Variants in C4orf51 observed in about 807,000 individuals in gnomAD.
C4orf51 encodes chromosome 4 open reading frame 51, also known as uncharacterized protein C4orf51.
A neutral mutation model predicts 25.2 loss-of-function variants in C4orf51; 25 were observed. The observed-to-expected ratio is 0.99, with a 90% CI of 0.72 to 1.39. The LOEUF (loss-of-function observed/expected upper bound fraction) is 1.39, where lower values mean the gene tolerates loss of function less well. Ranked by LOEUF, C4orf51 falls within the 40% of genes most tolerant of loss-of-function variation. C4orf51 has a pLI of 0.00. For missense variants in C4orf51, 252 were observed against 239.6 expected, an observed-to-expected ratio of 1.05 and a Z score of -0.34; for synonymous variants, 100 against 84.5, an observed-to-expected ratio of 1.18 and a Z score of -1.01.
chr4:145,696,508 A>T, intron 1 of C4orf51, 51 bp from the exon 2 acceptor site: 2 of 1,438,020 alleles, frequency 1.4e-6, no homozygotes, highest in Non-Finnish European at 2.0e-6. Context: ...GCTTCATGTG[A>T]TTTATAAATC....
intron 1 of C4orf51, among the ~76,000 whole-genome samples, chr4:145,689,011 T>A (rs7673327): frequency 0.19 from 28,252 of 152,026 alleles, 3,259 homozygotes; most frequent in African/African-American, 0.32. Context: ...CAAAGACCAG[T>A]GGAGCAGAAT....
At chr4:145,691,401 T>C (rs1729552283) in intron 1 of C4orf51, among the ~76,000 whole-genome samples, 1 of 152,208 alleles carries the variant, frequency 6.6e-6, no homozygotes, top group African/African-American at 2.4e-5. Context: ...CTCAAAGAAC[T>C]AAATATAGAA....
chr4:145,685,414 C>T (rs980916104), intron 1 of C4orf51, among the ~76,000 whole-genome samples: 4 of 152,138 alleles, frequency 2.6e-5, no homozygotes, highest in African/African-American at 7.2e-5. Flanking sequence ...GTTTATTCGG[C>T]TAGGGGCATC....
At chr4:145,791,421 G>A in the C4orf51 span, among the ~76,000 whole-genome samples, 3 of 152,170 alleles carry the variant, frequency 2.0e-5, no homozygotes, top group Non-Finnish European at 4.4e-5. Flanking sequence ...ATTGAAATGG[G>A]GGGACATAAA....
intron 2 of C4orf51, among the ~76,000 whole-genome samples, chr4:145,717,383 G>T (rs1191139147): frequency 1.3e-5 from 2 of 152,156 alleles, no homozygotes; most frequent in Admixed American, 6.6e-5. Context: ...CTTTGCAAGT[G>T]GTCATTTTCA....
intron 2 of C4orf51, among the ~76,000 whole-genome samples, chr4:145,701,023 C>A (rs1043921407): frequency 6.6e-6 from 1 of 152,098 alleles, no homozygotes; most frequent in Admixed American, 6.6e-5. Flanking sequence ...GGCTCTTTTT[C>A]ATCAGATATA....
chr4:145,765,398 A>G lies in C4orf51; in HGVS notation n.167-5590A>G, dbSNP rs1159864384. On this transcript the variant is annotated intron_variant and non_coding_transcript_variant, in intron 1 of 1. Coordinates refer to the C4orf51 transcript ENST00000510096. The surrounding 1 kb of genome is among the most constrained non-coding windows in gnomAD (Gnocchi z 4.7). ...CATACTCGGATTCAAATTAAGCCAA[A>G]AGAAATACAACCTTTAGGTGAGGCC... 2 of 1,101,706 alleles carry G rather than the reference A, an allele frequency of 1.8e-6. No homozygotes were observed. Among genetic ancestry groups the G allele is most frequent in the Non-Finnish European group, 2.5e-6 (2 of 789,470 alleles). 68.2% of individuals were successfully genotyped at this position (1,101,706 alleles called of 1,614,324 possible). A position where few individuals can be genotyped will look rare whatever the true frequency, so the allele number is the denominator to read the frequency against.
the C4orf51 span, among the ~76,000 whole-genome samples, chr4:145,786,947 A>C: frequency 6.6e-6 from 1 of 152,186 alleles, no homozygotes; most frequent in Non-Finnish European, 1.5e-5. Context: ...GATGGCTGGC[A>C]CTGGTGACCT....
chr4:145,763,156 T>C lies in C4orf51; in HGVS notation n.167-7832T>C, dbSNP rs1349897161. On this transcript the variant is annotated intron_variant and non_coding_transcript_variant, in intron 1 of 1. Coordinates refer to the C4orf51 transcript ENST00000510096. This position sits in a 1 kb window ranked among gnomAD's most constrained non-coding sequence, Gnocchi z 4.6. ...AAAGAAAAATAATAGTATAATCTTA[T>C]TTGATCTGCATTATGAACAGGATAT... 1.2e-5 allele frequency: 19 copies of C among 1,535,134 alleles called. No individual in the cohort carries two copies. Among genetic ancestry groups the C allele is most frequent in the Non-Finnish European group, 1.7e-5 (19 of 1,146,218 alleles).
chr4:145,790,311 T>C, the C4orf51 span, among the ~76,000 whole-genome samples: 1 of 152,198 alleles, frequency 6.6e-6, no homozygotes, highest in East Asian at 1.9e-4. Flanking sequence ...TATATATTAA[T>C]ACTTACTGAA....
At chr4:145,769,819 A>G (rs1735966495) in intron 1 of C4orf51, among the ~76,000 whole-genome samples, 1 of 152,246 alleles carries the variant, frequency 6.6e-6, no homozygotes, top group Non-Finnish European at 1.5e-5. Context: ...CTTAAAAAAC[A>G]AAACAAAACC....
intron 1 of C4orf51, among the ~76,000 whole-genome samples, chr4:145,739,225 C>T (rs1186844714): frequency 6.6e-6 from 1 of 152,220 alleles, no homozygotes; most frequent in Non-Finnish European, 1.5e-5. Flanking sequence ...TATAATTTCT[C>T]ACCAGATGAG....
At chr4:145,738,484 A>G (rs1476680320) in intron 1 of C4orf51, among the ~76,000 whole-genome samples, 2 of 151,724 alleles carry the variant, frequency 1.3e-5, no homozygotes, top group Non-Finnish European at 2.9e-5. Flanking sequence ...ATATAGACAC[A>G]CACACACTCC....
Position 145,726,896 on chromosome 4 carries a change from T to C in C4orf51, c.308-15T>C. 1 of 1,606,726 alleles carries C rather than the reference T, an allele frequency of 6.2e-7. No individual in the cohort carries two copies. The stretch of plus-strand genomic sequence containing the variant: ...CTGCATTTAATCCTGATTTTCCCTC[T>C]TCATGTGCATGCAGGACTATTCCCT... On this transcript the variant is annotated splice_polypyrimidine_tract_variant and intron_variant, in intron 2 of 5. Coordinates refer to ENST00000438731, the MANE Select transcript of C4orf51 (RefSeq NM_001080531.3).
chr4:145,690,224 G>A (rs1264938451), intron 1 of C4orf51, among the ~76,000 whole-genome samples: 1 of 150,198 alleles, frequency 6.7e-6, no homozygotes, highest in Non-Finnish European at 1.5e-5. Flanking sequence ...AAATAAAATA[G>A]GCTGGGCGCG....
chr4:145,750,811 G>A (rs905087110), intron 1 of C4orf51, among the ~76,000 whole-genome samples: 1 of 151,936 alleles, frequency 6.6e-6, no homozygotes, highest in Non-Finnish European at 1.5e-5. Flanking sequence ...TCTAGATCTT[G>A]TAGGAATGTT....
chr4:145,761,731 CCCTG>C lies in C4orf51; in HGVS notation n.167-9254_167-9251del. ...GCCTGGCCTGCCCAGCCCAGCCCAG[CCCTG>C]CCGCCTCTCAGGGGTGGAACGGCCC... On this transcript the variant is annotated intron_variant and non_coding_transcript_variant, in intron 1 of 1. Transcript: ENST00000510096. The surrounding 1 kb of genome is among the most constrained non-coding windows in gnomAD (Gnocchi z 6.8). 4.1e-6 allele frequency: 2 copies of C among 488,758 alleles called. No individual in the cohort carries two copies. Among genetic ancestry groups the C allele is most frequent in the South Asian group, 3.9e-5 (2 of 51,024 alleles). 30.3% of individuals were successfully genotyped at this position (488,758 alleles called of 1,614,324 possible).
intron 2 of C4orf51, among the ~76,000 whole-genome samples, chr4:145,724,897 A>G (rs1731962074): frequency 6.6e-6 from 1 of 150,598 alleles, no homozygotes; most frequent in Non-Finnish European, 1.5e-5. Context: ...AAAAAAAAAA[A>G]AAAAAAGAAA....
At chr4:145,707,937 G>C (rs1017836528) in intron 2 of C4orf51, among the ~76,000 whole-genome samples, 15 of 152,352 alleles carry the variant, frequency 9.8e-5, no homozygotes, top group Non-Finnish European at 2.1e-4. Context: ...AAGGCCATCA[G>C]GAGTTGGGAT....
Sources: allele counts gnomAD v4.1 joint callset (sites outside exome capture counted in the v4.1 genomes callset), GRCh38; gene constraint gnomAD v4.1.1; non-coding constraint Gnocchi (gnomAD v3.1); transcripts MANE v1.5; gene names NCBI Gene and HGNC (gene_info 2026-07-23, HGNC 2026-07-21).